The following BACH2 variants were observed in gnomAD, a reference collection of about 807,000 sequenced individuals.
BACH2 encodes transcription regulator protein BACH2.
Under a neutral mutation model 61.8 loss-of-function variants are expected in BACH2, and 5 were observed. That is an observed-to-expected ratio of 0.08 (90% CI 0.04 to 0.17). BACH2 has a LOEUF of 0.17. Among genes scored for constraint, BACH2 ranks in the 10% least tolerant of loss-of-function variants. The pLI is 1.00. For synonymous variants in BACH2, 446 were observed against 440.1 expected, an observed-to-expected ratio of 1.01 and a Z score of -0.17; for missense variants, 824 against 1,091.1, an observed-to-expected ratio of 0.76 and a Z score of 3.45.
intron 4 of BACH2, among the ~76,000 whole-genome samples, chr6:90,104,826 G>T (rs1467779301): frequency 6.6e-6 from 1 of 152,196 alleles, no homozygotes; most frequent in African/African-American, 2.4e-5. Context: ...GGGACTGGGG[G>T]AGTGGGAGGA....
At position 90,050,730 on chromosome 6, in the gene BACH2, T is replaced by C. The variant is rs557696611; in HGVS notation, c.-13+38231A>G. Among the ~76,000 whole-genome samples, 5 of 152,214 alleles carry C rather than the reference T, an allele frequency of 3.3e-5. No homozygotes were observed. The South Asian group carries it at 6.2e-4, about 19-fold the overall frequency. ...GTTTTAATTTCTAATAAGGTAAATA[T>C]AGATAAAACCCAAATAAACGAAAGC... On this transcript the variant is annotated intron_variant, in intron 5 of 8. Transcript: ENST00000257749.
In BACH2 at chr6:89,927,963, A is replaced by G. The variant is rs1772440959; in HGVS notation, c.*4445T>C. 1 of 152,334 alleles carries G rather than the reference A, an allele frequency of 6.6e-6. No individual in the cohort carries two copies. Among genetic ancestry groups the G allele is most frequent in the Non-Finnish European group, 1.5e-5 (1 of 68,050 alleles). 9.4% of individuals were successfully genotyped at this position (152,334 alleles called of 1,614,324 possible). A position where few individuals can be genotyped will look rare whatever the true frequency, so the allele number is the denominator to read the frequency against. The stretch of plus-strand genomic sequence containing the variant: ...GCAGTACTATAAACATACACTTTCA[A>G]CACACAATGCCTCGTGCACACAGAT... On this transcript the variant is annotated 3_prime_UTR_variant, in exon 9 of 9. Transcript: ENST00000257749.
chr6:90,228,220 A>G (rs1335621420), intron 3 of BACH2, among the ~76,000 whole-genome samples: 1 of 152,220 alleles, frequency 6.6e-6, no homozygotes, highest in Admixed American at 6.5e-5. Flanking sequence ...GTCTGAGTCA[A>G]TTCTTCTTTA....
chr6:90,289,146 C>G (rs1316031542), intron 1 of BACH2, among the ~76,000 whole-genome samples: 2 of 152,148 alleles, frequency 1.3e-5, no homozygotes, highest in Non-Finnish European at 2.9e-5. Flanking sequence ...AACAAAACAT[C>G]CAATATTTTA....
intron 5 of BACH2, among the ~76,000 whole-genome samples, chr6:90,031,007 T>A (rs1222904197): frequency 3.7e-4 from 49 of 131,474 alleles, no homozygotes; most frequent in African/African-American, 9.1e-4. Context: ...TTATCCACCA[T>A]GATCAAGTGG....
At chr6:90,251,130 A>C (rs1224680915) in intron 3 of BACH2, among the ~76,000 whole-genome samples, 1 of 151,792 alleles carries the variant, frequency 6.6e-6, no homozygotes, top group Admixed American at 6.6e-5. Context: ...TAGTAATAAT[A>C]ATATAGTACA....
intron 4 of BACH2, among the ~76,000 whole-genome samples, chr6:90,177,160 C>T (rs564087111): frequency 6.6e-6 from 1 of 152,292 alleles, no homozygotes; most frequent in East Asian, 1.9e-4. Flanking sequence ...TCTGAAGCCT[C>T]CTCAAACAAC....
intron 2 of BACH2, among the ~76,000 whole-genome samples, chr6:90,255,057 C>T (rs904424822): frequency 1.3e-5 from 2 of 152,154 alleles, no homozygotes; most frequent in African/African-American, 4.8e-5. Flanking sequence ...TAATAGAGAT[C>T]CCCTTTTCTA....
At chr6:89,974,108 C>T (rs756930429) in intron 6 of BACH2, among the ~76,000 whole-genome samples, 9 of 152,048 alleles carry the variant, frequency 5.9e-5, no homozygotes, top group Non-Finnish European at 1.2e-4. Flanking sequence ...GACCTGTTTC[C>T]CACCTGTTAA....
chr6:90,066,262 A>G (rs1478104302), intron 5 of BACH2, among the ~76,000 whole-genome samples: 1 of 152,204 alleles, frequency 6.6e-6, no homozygotes, highest in Non-Finnish European at 1.5e-5. Flanking sequence ...CTGCACAGGA[A>G]TTCACGTGGT....
chr6:90,278,951 A>G (rs1294327217), intron 1 of BACH2, among the ~76,000 whole-genome samples: 2 of 152,262 alleles, frequency 1.3e-5, no homozygotes, highest in East Asian at 3.8e-4. Flanking sequence ...TTAATCCTAT[A>G]TATGTAAAAC....
At chr6:89,940,550 T>C (rs919411066) in intron 7 of BACH2, among the ~76,000 whole-genome samples, 3 of 152,224 alleles carry the variant, frequency 2.0e-5, no homozygotes, top group African/African-American at 7.2e-5. Context: ...GGTTGTGTGC[T>C]GCCAGGCTAA....
intron 6 of BACH2, among the ~76,000 whole-genome samples, chr6:89,959,673 G>A (rs1186323803): frequency 6.6e-6 from 1 of 152,162 alleles, no homozygotes; most frequent in Non-Finnish European, 1.5e-5. Flanking sequence ...CCGGAAAACT[G>A]AAATAGTCCT....
At chr6:90,062,161 T>C (rs1780718688) in intron 5 of BACH2, among the ~76,000 whole-genome samples, 1 of 152,190 alleles carries the variant, frequency 6.6e-6, no homozygotes, top group South Asian at 2.1e-4. Flanking sequence ...AGAGGTGACG[T>C]GGAACATGTG....
At chr6:89,979,269 G>C (rs1479601511) in intron 6 of BACH2, among the ~76,000 whole-genome samples, 1 of 152,174 alleles carries the variant, frequency 6.6e-6, no homozygotes, top group African/African-American at 2.4e-5. Context: ...ATACTTGCCT[G>C]CCTCTAGAAC....
intron 4 of BACH2, among the ~76,000 whole-genome samples, chr6:90,089,497 T>C (rs535122150): frequency 3.5e-4 from 54 of 152,198 alleles, no homozygotes; most frequent in African/African-American, 1.2e-3. Flanking sequence ...CATGTGGCCA[T>C]TGTAAATAGA....
At chr6:90,267,964 G>A (rs1562534360) in intron 2 of BACH2, among the ~76,000 whole-genome samples, 1 of 149,190 alleles carries the variant, frequency 6.7e-6, no homozygotes, top group African/African-American at 2.5e-5. Flanking sequence ...TTTTAAAATA[G>A]AAAAAGTTTA....
At chr6:90,286,231 G>A (rs1440861315) in intron 1 of BACH2, among the ~76,000 whole-genome samples, 2 of 152,164 alleles carry the variant, frequency 1.3e-5, no homozygotes, top group East Asian at 3.8e-4. Context: ...GTTTTTCAGA[G>A]GGGACTTACT....
chr6:90,044,739 G>A (rs1414313574), intron 5 of BACH2, among the ~76,000 whole-genome samples: 1 of 152,172 alleles, frequency 6.6e-6, no homozygotes, highest in Admixed American at 6.5e-5. Flanking sequence ...GATTGGATGT[G>A]GGGTGAGAGA....
Sources: allele counts gnomAD v4.1 joint callset (sites outside exome capture counted in the v4.1 genomes callset), GRCh38; gene constraint gnomAD v4.1.1; transcripts MANE v1.5; gene names NCBI Gene and HGNC (gene_info 2026-07-23, HGNC 2026-07-21).